The following ZNF723 variants were observed in gnomAD, a reference collection of about 807,000 sequenced individuals.
ZNF723 encodes the protein zinc finger protein 723, pseudogene.
In ZNF723, 5 loss-of-function variants were observed where a neutral mutation model predicts 9.4. The ratio of observed to expected loss-of-function variants is 0.53; its 90% CI spans 0.28 to 1.12. The LOEUF is 1.12. Ranked by LOEUF, ZNF723 falls within the 50% of genes most tolerant of loss-of-function variation. ZNF723 has a pLI of 0.10. For synonymous variants in ZNF723, 158 were observed against 168.8 expected, an observed-to-expected ratio of 0.94 and a Z score of 0.49; for missense variants, 450 against 501.5, an observed-to-expected ratio of 0.90 and a Z score of 0.98.
chr19:22,828,375 C>CG (rs1196771255), upstream of ZNF723, among the ~76,000 whole-genome samples: 1 of 152,244 alleles, frequency 6.6e-6, no homozygotes. Context: ...ACAAAGTTGG[C>CG]GGGGGGTGGT....
At chr19:22,847,256 C>CTT (rs35635094) in intron 1 of ZNF723, among the ~76,000 whole-genome samples, 1,527 of 144,376 alleles carry the variant, frequency 0.011, 25 homozygotes, top group African/African-American at 0.037. Context: ...TTGTAAAGGC[C>CTT]TTTTTTTTTT....
the ZNF723 span, among the ~76,000 whole-genome samples, chr19:22,817,910 G>A: frequency 6.6e-6 from 1 of 151,598 alleles, no homozygotes; most frequent in Non-Finnish European, 1.5e-5. Flanking sequence ...TTTTTCATGT[G>A]CACACTGTGC....
chr19:22,857,874 T>C lies in ZNF723; in HGVS notation c.983T>C (p.Leu328Pro). The change falls in exon 4 of 4, where the codon CTT becomes CCT. Residue 328 changes from leucine to proline, a missense_variant. This residue lies in a region of ZNF723 where 237 missense variants were observed against 332.2 expected (regional missense o/e 0.71). Coordinates refer to ENST00000600766, the MANE Select transcript of ZNF723 (RefSeq NM_001349726.2). ...AAAGCCTTTAACCAGCCCTCACACC[T>C]TGCTACACATAAGAGAATTCATACT... ...CGKAFNQPSH[L>P]ATHKRIHTGE... is the part of the protein sequence containing the mutation. 1 of 1,413,670 alleles carries C rather than the reference T, an allele frequency of 7.1e-7. No homozygotes were observed. Among genetic ancestry groups the C allele is most frequent in the Non-Finnish European group, 1.0e-6 (1 of 998,256 alleles). The allele number at this position is 1,413,670 out of a possible 1,614,324, so 87.6% of individuals were successfully genotyped here.
chr19:22,852,181 T>A (rs541566529), intron 3 of ZNF723, among the ~76,000 whole-genome samples: 36 of 152,298 alleles, frequency 2.4e-4, no homozygotes, highest in African/African-American at 4.6e-4. Context: ...TAGTCTTCTT[T>A]TAAGATTTCT....
Position 22,835,443 on chromosome 19 carries a change from A to C in ZNF723, c.3+3061A>C, listed in dbSNP as rs550735780. 3.1e-4 allele frequency among the ~76,000 whole-genome samples: 47 copies of C among 152,314 alleles called. No individual in the cohort carries two copies. The South Asian group carries it at 6.6e-3, about 21-fold the overall frequency. ...TAGTAGAGCTTGAAAGGTTAAAAAG[A>C]AAATGTTTACAAAGGGCATAAAAGA... On this transcript the variant is annotated intron_variant, in intron 1 of 3. Transcript: ENST00000600766.
chr19:22,852,747 G>A (rs926701989), intron 3 of ZNF723, among the ~76,000 whole-genome samples: 1 of 152,044 alleles, frequency 6.6e-6, no homozygotes, highest in South Asian at 2.1e-4. Flanking sequence ...ACAATGCTAT[G>A]CAACATATCC....
chr19:22,833,041 T>C (rs1254437681), intron 1 of ZNF723, among the ~76,000 whole-genome samples: 1 of 152,202 alleles, frequency 6.6e-6, no homozygotes, highest in African/African-American at 2.4e-5. Flanking sequence ...TTTCCTCTAA[T>C]GTAGTAATTT....
At chr19:22,852,809 C>T (rs1019698599) in intron 3 of ZNF723, among the ~76,000 whole-genome samples, 1 of 151,982 alleles carries the variant, frequency 6.6e-6, no homozygotes, top group Non-Finnish European at 1.5e-5. Context: ...GAACAGCTAC[C>T]AGTTTTTTTC....
Position 22,857,833 on chromosome 19 carries a change from A to G in ZNF723, c.942A>G (p.Lys314=). The G allele has an allele frequency of 7.2e-7, 1 of 1,397,214 alleles. No individual in the cohort carries two copies. Among genetic ancestry groups the G allele is most frequent in the Non-Finnish European group, 1.0e-6 (1 of 983,220 alleles). 86.6% of individuals were successfully genotyped at this position (1,397,214 alleles called of 1,614,324 possible). A position where few individuals can be genotyped will look rare whatever the true frequency, so the allele number is the denominator to read the frequency against. Residue 314 remains lysine, a synonymous_variant, in exon 4 of 4, where the codon AAA becomes AAG. Transcript: ENST00000600766. Reference sequence around the variant, plus strand: ...TTCATACTGGAGAGAAACCCTACAAATGTGAAGAATGTGGCAAAGCCTTTA... The same window carrying G: ...TTCATACTGGAGAGAAACCCTACAAGTGTGAAGAATGTGGCAAAGCCTTTA... The part of the protein sequence containing the change: ...KRIHTGEKPY[K]CEECGKAFNQ...
chr19:22,839,465 G>GTTT (rs1568403960), intron 1 of ZNF723, among the ~76,000 whole-genome samples: 7 of 91,070 alleles, frequency 7.7e-5, no homozygotes, highest in African/African-American at 4.1e-4. Flanking sequence ...GTTTTTTTTT[G>GTTT]GTTTTTTTTT....
intron 1 of ZNF723, among the ~76,000 whole-genome samples, chr19:22,841,533 T>C (rs1967245712): frequency 6.6e-6 from 1 of 152,234 alleles, no homozygotes; most frequent in African/African-American, 2.4e-5. Flanking sequence ...TTCCACACAC[T>C]GTCTAGAATT....
intron 3 of ZNF723, among the ~76,000 whole-genome samples, chr19:22,856,371 G>A (rs148839274): frequency 1.3e-5 from 2 of 152,020 alleles, no homozygotes; most frequent in African/African-American, 4.8e-5. Context: ...AGTTGTCTGT[G>A]TTTCCATTTC....
chr19:22,849,251 C>G lies in ZNF723; in HGVS notation c.184C>G (p.Pro62Ala). Residue 62 changes from proline to alanine, a missense_variant, in exon 3 of 4, where the codon CCC becomes GCC. Pro to Ala is a conservative substitution (Grantham distance 27). Transcript: ENST00000600766. ...LITCLEQGKE[P>A]WNMKRHKMVA... The stretch of plus-strand genomic sequence containing the variant: ...CACCTGTCTGGAGCAAGGAAAAGAG[C>G]CCTGGAATATGAAGAGACACAAGAT... 1 of 653,006 alleles carries G rather than the reference C, an allele frequency of 1.5e-6. No individual in the cohort carries two copies. The highest frequency in any genetic ancestry group is 2.1e-5 in the South Asian group (1 of 47,100). The allele number at this position is 653,006 out of a possible 1,614,324, so 40.5% of individuals were successfully genotyped here.
the ZNF723 span, among the ~76,000 whole-genome samples, chr19:22,823,174 G>A: frequency 6.6e-6 from 1 of 152,288 alleles, no homozygotes; most frequent in Middle Eastern, 3.4e-3. Flanking sequence ...ATCCAAGAGT[G>A]GGTTGTGGCT....
the ZNF723 span, among the ~76,000 whole-genome samples, chr19:22,817,055 ACT>A: frequency 6.6e-6 from 1 of 152,088 alleles, no homozygotes; most frequent in South Asian, 2.1e-4. Context: ...AGGTAATTTG[ACT>A]CTCCTCTTTT....
At chr19:22,837,308 AAAAGAAAG>A (rs199950611) in intron 1 of ZNF723, among the ~76,000 whole-genome samples, 8 of 151,490 alleles carry the variant, frequency 5.3e-5, no homozygotes, top group Non-Finnish European at 7.4e-5. Flanking sequence ...AAGAAAAAAG[AAAAGAAAG>A]AAAGAAAGAA....
chr19:22,814,519 C>G, the ZNF723 span, among the ~76,000 whole-genome samples: 1 of 152,178 alleles, frequency 6.6e-6, no homozygotes, highest in Non-Finnish European at 1.5e-5. Flanking sequence ...ATTCAGGACA[C>G]CTGTGAGCCT....
At chr19:22,825,402 T>C in the ZNF723 span, among the ~76,000 whole-genome samples, 1 of 152,240 alleles carries the variant, frequency 6.6e-6, no homozygotes, top group Non-Finnish European at 1.5e-5. Context: ...CCACAGAAGC[T>C]TCATGAATGT....
chr19:22,831,377 T>A (rs951612011), upstream of ZNF723, among the ~76,000 whole-genome samples: 2 of 148,228 alleles, frequency 1.3e-5, no homozygotes, highest in African/African-American at 5.0e-5. Context: ...CCCAACATGG[T>A]GAAACCTTGT....
Sources: allele counts gnomAD v4.1 joint callset (sites outside exome capture counted in the v4.1 genomes callset), GRCh38; gene constraint gnomAD v4.1.1; regional missense constraint gnomAD v4.1.1; transcripts MANE v1.5; gene names NCBI Gene and HGNC (gene_info 2026-07-23, HGNC 2026-07-21).